KIRREL1: variants seen among roughly 807,000 people sequenced by gnomAD.
The protein encoded by KIRREL1 is kin of IRRE-like protein 1.
A neutral mutation model predicts 83.3 loss-of-function variants in KIRREL1; 25 were observed. The ratio of observed to expected loss-of-function variants is 0.30; its 90% confidence interval spans 0.22 to 0.42. KIRREL1 has a LOEUF of 0.42. Ranked by LOEUF, KIRREL1 falls within the 10% of genes least tolerant of loss-of-function variation. The probability of loss-of-function intolerance (pLI) is 1.00; values close to 1 mark genes in which losing one functional copy is unlikely to be tolerated. For missense variants in KIRREL1, 812 were observed against 1,032.3 expected (o/e 0.79, Z 2.92); for synonymous variants, 388 against 410.4 (o/e 0.95, Z 0.66).
intron 1 of KIRREL1, among the ~76,000 whole-genome samples, chr1:157,998,407 T>A (rs1659263664): frequency 6.6e-6 from 1 of 152,260 alleles, no homozygotes; most frequent in Admixed American, 6.5e-5. Flanking sequence ...TCTGAGATTC[T>A]GTCCTACATT....
At chr1:158,018,004 C>T (rs371200679) in intron 1 of KIRREL1, among the ~76,000 whole-genome samples, 34 of 152,126 alleles carry the variant, frequency 2.2e-4, no homozygotes, top group African/African-American at 7.9e-4. Flanking sequence ...AACTGGCAAC[C>T]GGCAACTCTC....
chr1:158,059,721 C>T (rs191034627), intron 1 of KIRREL1, among the ~76,000 whole-genome samples: 5 of 152,106 alleles, frequency 3.3e-5, no homozygotes, highest in East Asian at 1.9e-4. Context: ...CTTGAAGCAG[C>T]GATTACTGTT....
intron 1 of KIRREL1, among the ~76,000 whole-genome samples, chr1:158,000,081 T>A (rs1659317452): frequency 6.6e-6 from 1 of 151,222 alleles, no homozygotes; most frequent in Non-Finnish European, 1.5e-5. Flanking sequence ...GGGCTGAGGA[T>A]AATTCCTAGA....
In KIRREL1 at chr1:158,050,652, T is replaced by C. The variant is rs140271378; in HGVS notation, c.53-25461T>C. Among the ~76,000 whole-genome samples the C allele has an allele frequency of 5.9e-3, 901 of 152,074 alleles. 9 individuals carry two copies. Among genetic ancestry groups the C allele is most frequent in the African/African-American group, 0.02 (849 of 41,506 alleles). ...AGGGACCTTAACCATGAATGGGAAC[T>C]GGGGAGGAAAATGGGGAGTGGAGAT... is the stretch of plus-strand genomic sequence containing the variant. On this transcript the variant is annotated intron_variant, in intron 1 of 14. Transcript: ENST00000359209.
intron 1 of KIRREL1, among the ~76,000 whole-genome samples, chr1:158,025,918 G>T (rs1472385610): frequency 6.6e-6 from 1 of 152,004 alleles, no homozygotes; most frequent in African/African-American, 2.4e-5. Context: ...AGGGCTGGGG[G>T]AGGTGGCGTG....
rs1662196471 is a variant in KIRREL1 at position 158,091,550 on chromosome 1, G to A, written c.1465G>A (p.Glu489Lys). The A allele has an allele frequency of 1.2e-6, 2 of 1,614,066 alleles. No individual in the cohort carries two copies. Among genetic ancestry groups the A allele is most frequent in the Non-Finnish European group, 1.7e-6 (2 of 1,180,040 alleles). Residue 489 changes from glutamate to lysine, a missense_variant, in exon 11 of 15, where the codon GAG (glutamate) becomes AAG (lysine). Around this residue, in one of 3 missense-constraint regions of KIRREL1, gnomAD observed 334 missense variants for 383.7 expected, o/e 0.87. Transcript: ENST00000359209. ...AGGCACAGCCATCATCCAGCTGGAA[G>A]AGCGAGGTGACTGGTAGTGCTGCCT... ...GPGTAIIQLE[E>K]REVLPVGIIA...
chr1:158,044,741 C>T (rs992958583), intron 1 of KIRREL1, among the ~76,000 whole-genome samples: 8 of 152,076 alleles, frequency 5.3e-5, no homozygotes, highest in Non-Finnish European at 8.8e-5. Context: ...TCAAGTGATC[C>T]GCTCATCCCA....
intron 1 of KIRREL1, among the ~76,000 whole-genome samples, chr1:158,049,057 A>G (rs1660847210): frequency 3.3e-5 from 5 of 152,172 alleles, no homozygotes; most frequent in Admixed American, 3.3e-4. Flanking sequence ...AAGAAGAAAA[A>G]CTTGCATTTG....
At chr1:158,078,277 C>T in intron 3 of KIRREL1, 137 bp downstream of exon 3, 3 of 997,746 alleles carry the variant, frequency 3.0e-6, no homozygotes, top group Non-Finnish European at 4.5e-6. Flanking sequence ...CCCTAATGCT[C>T]AAGTCCAGGT....
intron 1 of KIRREL1, among the ~76,000 whole-genome samples, chr1:158,005,543 CT>C (rs35668813): frequency 0.45 from 65,503 of 146,314 alleles, 14,355 homozygotes; most frequent in East Asian, 0.57. Context: ...GTCATTTCCA[CT>C]TTTTTTTTTT....
chr1:158,027,606 A>G (rs535271139), intron 1 of KIRREL1, among the ~76,000 whole-genome samples: 1 of 152,362 alleles, frequency 6.6e-6, no homozygotes, highest in South Asian at 2.1e-4. Flanking sequence ...ACAGAAAGAC[A>G]CTTATCGCTT....
At chr1:157,993,757 C>G in intron 1 of KIRREL1, 29 bp downstream of exon 1, 1 of 1,426,270 alleles carries the variant, frequency 7.0e-7, no homozygotes, top group Non-Finnish European at 9.3e-7. Flanking sequence ...CCCCCGGACG[C>G]TCGGCTTCCC....
chr1:158,098,570 TGAG>T lies in KIRREL1; in HGVS notation c.*3456_*3458del, dbSNP rs1662412927. 1 of 152,178 alleles carries T rather than the reference TGAG, an allele frequency of 6.6e-6. No individual in the cohort carries two copies. Among genetic ancestry groups the T allele is most frequent in the Admixed American group, 6.5e-5 (1 of 15,286 alleles). 9.4% of individuals were successfully genotyped at this position (152,178 alleles called of 1,614,324 possible). On this transcript the variant is annotated 3_prime_UTR_variant, in exon 15 of 15. Coordinates refer to ENST00000359209, the MANE Select transcript of KIRREL1 (RefSeq NM_018240.7). ...CAGCTTTGGAATACATTCTGGATCT[TGAG>T]GAGGATCTTGTGATTTTGGCTGAGC...
chr1:158,014,532 A>G (rs1182937532), intron 1 of KIRREL1, among the ~76,000 whole-genome samples: 2 of 152,030 alleles, frequency 1.3e-5, no homozygotes, highest in East Asian at 3.9e-4. Flanking sequence ...CAAGGATTTC[A>G]AAGCAGCAGC....
At chr1:158,074,456 T>G (rs1661610991) in intron 1 of KIRREL1, among the ~76,000 whole-genome samples, 1 of 152,172 alleles carries the variant, frequency 6.6e-6, no homozygotes, top group South Asian at 2.1e-4. Flanking sequence ...GGAGAGAGCT[T>G]GGCCCTCTGC....
intron 4 of KIRREL1, among the ~76,000 whole-genome samples, chr1:158,085,314 CAG>C (rs1401249883): frequency 1.3e-5 from 2 of 152,202 alleles, no homozygotes; most frequent in African/African-American, 4.8e-5. Context: ...AGTGTGGAGA[CAG>C]AGATGTTCCC....
intron 1 of KIRREL1, among the ~76,000 whole-genome samples, chr1:158,052,313 A>G (rs1045850935): frequency 3.4e-4 from 52 of 152,202 alleles, no homozygotes; most frequent in African/African-American, 1.2e-3. Flanking sequence ...CCCACCCAAC[A>G]TTCCCCTTAC....
chr1:158,068,303 T>G (rs1022095946), intron 1 of KIRREL1, among the ~76,000 whole-genome samples: 1 of 152,216 alleles, frequency 6.6e-6, no homozygotes, highest in African/African-American at 2.4e-5. Context: ...TCACCTGACA[T>G]CTACGTGTAG....
chr1:158,001,866 G>A (rs1659370832), intron 1 of KIRREL1, among the ~76,000 whole-genome samples: 1 of 152,174 alleles, frequency 6.6e-6, no homozygotes, highest in Non-Finnish European at 1.5e-5. Flanking sequence ...AGACTCCCCT[G>A]TAAGAACTGG....
Sources: gnomAD v4.1 joint callset for allele counts (sites outside exome capture counted in the v4.1 genomes callset) on GRCh38, gnomAD v4.1.1 for gene constraint, gnomAD v4.1.1 regional missense constraint, MANE v1.5 for transcripts, NCBI Gene and HGNC (gene_info 2026-07-23, HGNC 2026-07-21) for gene names.